The following DLGAP1 variants were observed in gnomAD, a reference collection of about 807,000 sequenced individuals.
The protein encoded by DLGAP1 is DLG associated protein 1.
DLGAP1 carries 11 observed loss-of-function variants against 90.8 expected under a neutral mutation model. That is an observed-to-expected ratio of 0.12 (90% CI 0.08 to 0.20). The LOEUF (loss-of-function observed/expected upper bound fraction) is 0.20, where lower values mean the gene tolerates loss of function less well. Among genes scored for constraint, DLGAP1 ranks in the 10% least tolerant of loss-of-function variants. The pLI is 1.00. For missense variants in DLGAP1, 1,050 were observed against 1,333.8 expected (o/e 0.79, Z 3.31); for synonymous variants, 558 against 540.7 (o/e 1.03, Z -0.44).
chr18:3,806,967 C>T (rs531105883), intron 5 of DLGAP1, among the ~76,000 whole-genome samples: 61 of 152,314 alleles, frequency 4.0e-4, no homozygotes, highest in Non-Finnish European at 7.6e-4. Flanking sequence ...GTATTAGTCT[C>T]CACAGAGCTG....
intron 2 of DLGAP1, among the ~76,000 whole-genome samples, chr18:4,043,218 C>G (rs1252150443): frequency 1.3e-5 from 2 of 152,118 alleles, no homozygotes; most frequent in African/African-American, 4.8e-5. Context: ...ATAGGCAAAA[C>G]AATCAAATTT....
Position 3,765,980 on chromosome 18 carries a change from C to A in DLGAP1, c.1173-23468G>T, listed in dbSNP as rs1353372637. On this transcript the variant is annotated intron_variant, in intron 5 of 12. Transcript: ENST00000315677. ...AAACAGAAAACAAAATAAAAAATGG[C>A]AGACTTAAGCCCTAACATGTCAATA... Among the ~76,000 whole-genome samples, 3 of 151,828 alleles carry A rather than the reference C, an allele frequency of 2.0e-5. No individual in the cohort carries two copies. In the East Asian group the frequency reaches 5.8e-4, roughly 29 times the overall value.
intron 7 of DLGAP1, among the ~76,000 whole-genome samples, chr18:3,700,330 T>C (rs1229224856): frequency 1.2e-4 from 19 of 152,322 alleles, no homozygotes; most frequent in South Asian, 2.1e-4. Context: ...CGGAACGCAC[T>C]GTTCCTCACA....
Position 4,071,121 on chromosome 18 carries a change from C to T in DLGAP1, c.-158-65920G>A, listed in dbSNP as rs1482604501. Among the ~76,000 whole-genome samples the T allele has an allele frequency of 2.6e-5, 4 of 151,984 alleles. No individual in the cohort carries two copies. The East Asian group carries it at 7.7e-4, about 29-fold the overall frequency. ...TGTCTATTCAAGATATTTACATGTT[C>T]ACTATTATATATAATTCTATAACTA... On this transcript the variant is annotated intron_variant, in intron 2 of 12. Coordinates refer to ENST00000315677, the MANE Select transcript of DLGAP1 (RefSeq NM_004746.4).
At chr18:3,710,356 C>A (rs1001355531) in intron 7 of DLGAP1, among the ~76,000 whole-genome samples, 4 of 152,186 alleles carry the variant, frequency 2.6e-5, no homozygotes, top group Non-Finnish European at 5.9e-5. Flanking sequence ...TCATCCCCCG[C>A]CCTTTCTCCT....
Position 4,269,357 on chromosome 18 carries a change from T to A in DLGAP1, c.-266-118070A>T, listed in dbSNP as rs886891889. Among the ~76,000 whole-genome samples the A allele has an allele frequency of 3.7e-3, 466 of 127,402 alleles. 3 individuals carry two copies. The highest frequency in any genetic ancestry group is 0.019 in the African/African-American group (437 of 23,414). 83.6% of individuals were successfully genotyped at this position (127,402 alleles called of 152,430 possible). Reference sequence around the variant, plus strand: ...ACATATATATATATATATATATATTTTTTTTTTTCTTTTTGAGACGGAGTC... The same window carrying A: ...ACATATATATATATATATATATATTATTTTTTTTCTTTTTGAGACGGAGTC... On this transcript the variant is annotated intron_variant, in intron 1 of 12. Coordinates refer to ENST00000315677, the MANE Select transcript of DLGAP1 (RefSeq NM_004746.4).
chr18:3,853,418 T>C (rs2069452888), intron 4 of DLGAP1, among the ~76,000 whole-genome samples: 1 of 152,126 alleles, frequency 6.6e-6, no homozygotes. Context: ...ACCATATTTG[T>C]ATCTTTTCTA....
intron 3 of DLGAP1, chr18:3,977,804 C>A: frequency 2.6e-6 from 1 of 385,596 alleles, no homozygotes; most frequent in Non-Finnish European, 5.0e-6. Context: ...AAGTCAGAGG[C>A]GACAACCTGG....
chr18:3,558,346 C>T (rs1403657363), intron 9 of DLGAP1, among the ~76,000 whole-genome samples: 1 of 152,146 alleles, frequency 6.6e-6, no homozygotes, highest in Admixed American at 6.5e-5. Flanking sequence ...GACTCTCCTG[C>T]CTCAGCCTCC....
intron 7 of DLGAP1, among the ~76,000 whole-genome samples, chr18:3,676,595 C>A (rs1430368369): frequency 6.6e-6 from 1 of 152,088 alleles, no homozygotes; most frequent in Non-Finnish European, 1.5e-5. Flanking sequence ...CAATGAGCAA[C>A]TTCCTTCTTT....
At chr18:3,851,378 G>GT (rs1444889402) in intron 4 of DLGAP1, among the ~76,000 whole-genome samples, 4 of 152,158 alleles carry the variant, frequency 2.6e-5, no homozygotes, top group African/African-American at 9.7e-5. Flanking sequence ...AATTGAGGAA[G>GT]AACAGAACTA....
intron 7 of DLGAP1, among the ~76,000 whole-genome samples, chr18:3,632,235 G>A (rs1264114163): frequency 1.3e-5 from 2 of 151,518 alleles, no homozygotes; most frequent in African/African-American, 4.8e-5. Context: ...TTCCTTTAGC[G>A]GTGGTCTGCA....
intron 7 of DLGAP1, among the ~76,000 whole-genome samples, chr18:3,602,477 C>T (rs7235722): frequency 0.76 from 113,727 of 149,620 alleles, 43,686 homozygotes; most frequent in African/African-American, 0.83. Flanking sequence ...CGCCTGTAGT[C>T]CCAGCTACTC....
At chr18:4,347,208 G>T (rs1171675994) in intron 1 of DLGAP1, among the ~76,000 whole-genome samples, 1 of 151,940 alleles carries the variant, frequency 6.6e-6, no homozygotes, top group African/African-American at 2.4e-5. Context: ...ACATTATTAA[G>T]GATGAATATC....
At chr18:3,572,090 T>TTTTTTTTTTTTTTTC (rs1555684210) in intron 8 of DLGAP1, among the ~76,000 whole-genome samples, 1 of 105,702 alleles carries the variant, frequency 9.5e-6, no homozygotes, top group African/African-American at 3.2e-5. Context: ...TTTTTTTTTT[T>TTTTTTTTTTTTTTTC]CTTTTGAGAC....
intron 7 of DLGAP1, chr18:3,598,069 G>A (rs56772226): frequency 0.21 from 32,465 of 152,270 alleles, 4,417 homozygotes; most frequent in Non-Finnish European, 0.29. Flanking sequence ...TTATGCCTTG[G>A]GCCGGGTGCG....
intron 1 of DLGAP1, among the ~76,000 whole-genome samples, chr18:4,210,788 A>G (rs8087894): frequency 6.6e-6 from 1 of 152,016 alleles, no homozygotes; most frequent in Middle Eastern, 3.4e-3. Flanking sequence ...CTGGATGGAG[A>G]CTAAAGATCT....
In DLGAP1 at chr18:4,175,174, T is replaced by C. The variant is rs141608363; in HGVS notation, c.-266-23887A>G. 2.8e-3 allele frequency among the ~76,000 whole-genome samples: 431 copies of C among 152,352 alleles called. 1 individual carries two copies. The highest frequency in any genetic ancestry group is 0.01 in the African/African-American group (419 of 41,574). ...TGATTTGCATTTCTCTAATGACCAGTGATGATGAGCTTTTTTTCATACATT... is the reference window on the plus strand; with the variant it reads ...TGATTTGCATTTCTCTAATGACCAGCGATGATGAGCTTTTTTTCATACATT... On this transcript the variant is annotated intron_variant, in intron 1 of 12. Transcript: ENST00000315677.
At chr18:4,093,341 T>C (rs1457505990) in intron 2 of DLGAP1, among the ~76,000 whole-genome samples, 1 of 152,082 alleles carries the variant, frequency 6.6e-6, no homozygotes, top group Non-Finnish European at 1.5e-5. Flanking sequence ...AAGAAGGAAA[T>C]AGGAATTTCT....
Sources: gnomAD v4.1 joint callset for allele counts (sites outside exome capture counted in the v4.1 genomes callset) on GRCh38, gnomAD v4.1.1 for gene constraint, MANE v1.5 for transcripts, NCBI Gene and HGNC (gene_info 2026-07-23, HGNC 2026-07-21) for gene names.